Variants in KIAA0319L observed in about 807,000 individuals in gnomAD.
KIAA0319L encodes KIAA0319 like.
KIAA0319L carries 55 observed loss-of-function variants against 120.1 expected under a neutral mutation model. That is an observed-to-expected ratio of 0.46 (90% CI 0.37 to 0.57). The LOEUF is 0.57. KIAA0319L is among the 20% of genes least tolerant of loss of function. The pLI, the probability that KIAA0319L is intolerant of heterozygous loss-of-function variation, is 0.00. For missense variants in KIAA0319L, 1,049 were observed against 1,255.3 expected (o/e 0.84, Z 2.48); for synonymous variants, 398 against 471.9 (o/e 0.84, Z 2.03).
At chr1:35,459,764 AAGG>A (rs1443242251) in intron 9 of KIAA0319L, among the ~76,000 whole-genome samples, 4 of 152,204 alleles carry the variant, frequency 2.6e-5, no homozygotes, top group African/African-American at 4.8e-5. Flanking sequence ...ACGCAAACAT[AAGG>A]AGGATTACTC....
At chr1:35,526,452 T>C (rs904709644) in intron 2 of KIAA0319L, among the ~76,000 whole-genome samples, 2 of 147,354 alleles carry the variant, frequency 1.4e-5, no homozygotes, top group African/African-American at 5.0e-5. Context: ...TATATATATT[T>C]GTGGGTTTTT....
chr1:35,493,928 T>C (rs1361122822), intron 3 of KIAA0319L, among the ~76,000 whole-genome samples: 3 of 152,022 alleles, frequency 2.0e-5, no homozygotes, highest in African/African-American at 7.2e-5. Flanking sequence ...GATTATTTAA[T>C]TAAATGGAGA....
At chr1:35,503,947 G>A (rs1195059450) in intron 3 of KIAA0319L, among the ~76,000 whole-genome samples, 3 of 149,978 alleles carry the variant, frequency 2.0e-5, no homozygotes, top group Admixed American at 2.0e-4. Flanking sequence ...GTGCAGTGGT[G>A]CAATCTCGGC....
At chr1:35,497,715 A>G (rs1251226059) in intron 3 of KIAA0319L, among the ~76,000 whole-genome samples, 1 of 152,208 alleles carries the variant, frequency 6.6e-6, no homozygotes, top group Admixed American at 6.5e-5. Flanking sequence ...GAGTAACAAA[A>G]GAGCCATTCA....
chr1:35,487,097 T>A (rs766454884), intron 3 of KIAA0319L, among the ~76,000 whole-genome samples: 1 of 152,130 alleles, frequency 6.6e-6, no homozygotes, highest in African/African-American at 2.4e-5. Flanking sequence ...TGGTTTAACG[T>A]TGGACATTCT....
rs946492745 is a variant in KIAA0319L at position 35,500,192 on chromosome 1, G to A, written c.666+6420C>T. ...ACCTAAGTGGACTTTCATTTCCTGC[G>A]CTCAAATAAAGCACTTTTTTCTCTG... On this transcript the variant is annotated intron_variant, in intron 3 of 20. Coordinates refer to ENST00000325722, the MANE Select transcript of KIAA0319L (RefSeq NM_024874.5). Among the ~76,000 whole-genome samples, 50 of 152,266 alleles carry A rather than the reference G, an allele frequency of 3.3e-4. 1 individual carries two copies. The highest frequency in any genetic ancestry group is 2.9e-3 in the East Asian group (15 of 5,186).
At chr1:35,458,476 C>A (rs979776116) in intron 9 of KIAA0319L, among the ~76,000 whole-genome samples, 2 of 151,982 alleles carry the variant, frequency 1.3e-5, no homozygotes, top group African/African-American at 2.4e-5. Context: ...CAAATCAAAT[C>A]ATATCATTTC....
At chr1:35,544,654 C>G (rs186952552) in intron 2 of KIAA0319L, among the ~76,000 whole-genome samples, 24 of 152,252 alleles carry the variant, frequency 1.6e-4, no homozygotes, top group African/African-American at 2.6e-4. Context: ...TTGCCACCTA[C>G]TACAGCAGGT....
chr1:35,440,179 A>C lies in KIAA0319L; in HGVS notation c.2962+868T>G, dbSNP rs942633941. On this transcript the variant is annotated intron_variant, in intron 20 of 20. Coordinates refer to ENST00000325722, the MANE Select transcript of KIAA0319L (RefSeq NM_024874.5). Reference sequence around the variant, plus strand: ...CCACCTTGACAGTGTTGGTGGATCGAGCTGCTTGGTGCAGAGTCCAGACTG... The same window carrying C: ...CCACCTTGACAGTGTTGGTGGATCGCGCTGCTTGGTGCAGAGTCCAGACTG... 9.9e-5 allele frequency: 15 copies of C among 152,126 alleles called. No homozygotes were observed. In the East Asian group the frequency reaches 2.5e-3, roughly 26 times the overall value. The allele number at this position is 152,126 out of a possible 1,614,324, so 9.4% of individuals were successfully genotyped here. A position where few individuals can be genotyped will look rare whatever the true frequency, so the allele number is the denominator to read the frequency against.
At chr1:35,533,420 C>A (rs1050508304) in intron 2 of KIAA0319L, 1 of 152,054 alleles carries the variant, frequency 6.6e-6, no homozygotes, top group Non-Finnish European at 1.5e-5. Context: ...TTGATAAATT[C>A]TTCTCTTCGG....
At position 35,515,851 on chromosome 1, in the gene KIAA0319L, T is replaced by G. The variant is rs149843174; in HGVS notation, c.143-8716A>C. Among the ~76,000 whole-genome samples the G allele has an allele frequency of 6.7e-4, 101 of 151,836 alleles. No homozygotes were observed. In the East Asian group the frequency reaches 0.018, roughly 27 times the overall value. On this transcript the variant is annotated intron_variant, in intron 2 of 20. Coordinates refer to ENST00000325722, the MANE Select transcript of KIAA0319L (RefSeq NM_024874.5). ...GAGAGGATATCCAAATAAACACAAT[T>G]AGAAATGATGAAGAGGATGTTACCA...
rs75944591 is a variant in KIAA0319L, at chr1:35,456,163, G to T, written c.1506C>A (p.Pro502=). The part of the protein sequence containing the change: ...NLTVNKAVDY[P]PVANAGPNQV... ...GGTTGGGGCCTGCGTTGGCCACAGG[G>T]GGGTAATCCACAGCTTTGTTCACTG... The change falls in exon 10 of 21, where the codon CCC becomes CCA. Residue 502 remains proline (P), a synonymous_variant. Coordinates refer to ENST00000325722, the MANE Select transcript of KIAA0319L (RefSeq NM_024874.5). The T allele has an allele frequency of 1.9e-6, 3 of 1,613,556 alleles. No individual in the cohort carries two copies. The highest frequency in any genetic ancestry group is 1.3e-5 in the African/African-American group (1 of 74,844).
At chr1:35,535,012 G>A (rs1241458669) in intron 2 of KIAA0319L, among the ~76,000 whole-genome samples, 2 of 147,840 alleles carry the variant, frequency 1.4e-5, no homozygotes, top group Non-Finnish European at 3.0e-5. Context: ...CAGGAGAATC[G>A]CTTGAACCCA....
chr1:35,480,404 AG>A (rs1271623477), intron 3 of KIAA0319L, among the ~76,000 whole-genome samples: 1 of 152,246 alleles, frequency 6.6e-6, no homozygotes, highest in Non-Finnish European at 1.5e-5. Context: ...AGGCAATAGC[AG>A]GAATATCACT....
At chr1:35,447,253 A>G (rs2149083134) in intron 16 of KIAA0319L, among the ~76,000 whole-genome samples, 1 of 152,174 alleles carries the variant, frequency 6.6e-6, no homozygotes, top group African/African-American at 2.4e-5. Flanking sequence ...AAAAAAAAAA[A>G]AAATCAAATT....
chr1:35,513,039 T>C (rs1473991642), intron 2 of KIAA0319L, among the ~76,000 whole-genome samples: 1 of 151,256 alleles, frequency 6.6e-6, no homozygotes, highest in Non-Finnish European at 1.5e-5. Flanking sequence ...TTGCCTTTGC[T>C]CTACCATGGC....
intron 2 of KIAA0319L, among the ~76,000 whole-genome samples, chr1:35,552,169 T>C (rs983232257): frequency 3.9e-5 from 6 of 152,082 alleles, no homozygotes; most frequent in African/African-American, 1.4e-4. Context: ...TGGAGAAACC[T>C]GGTCTCTACT....
chr1:35,454,867 C>A (rs536029457), intron 10 of KIAA0319L, among the ~76,000 whole-genome samples: 1 of 152,186 alleles, frequency 6.6e-6, no homozygotes, highest in African/African-American at 2.4e-5. Flanking sequence ...GATCCTCTTC[C>A]TACTGAAGCT....
chr1:35,542,809 C>T (rs1037758151), intron 2 of KIAA0319L, among the ~76,000 whole-genome samples: 6 of 152,198 alleles, frequency 3.9e-5, no homozygotes, highest in African/African-American at 1.2e-4. Context: ...GGCTATGCTT[C>T]GGCCCTGCAA....
Sources: gnomAD v4.1 joint callset for allele counts (sites outside exome capture counted in the v4.1 genomes callset) on GRCh38, gnomAD v4.1.1 for gene constraint, MANE v1.5 for transcripts, NCBI Gene and HGNC (gene_info 2026-07-23, HGNC 2026-07-21) for gene names.